POT1: variants seen among roughly 807,000 people sequenced by gnomAD.
POT1 encodes protection of telomeres protein 1.
POT1 carries 47 observed loss-of-function variants against 78.5 expected under a neutral mutation model. That is an observed-to-expected ratio of 0.60 (90% CI 0.47 to 0.76). The LOEUF (loss-of-function observed/expected upper bound fraction) is 0.76. Ranked by LOEUF, POT1 falls within the 30% of genes least tolerant of loss-of-function variation. POT1 has a pLI of 0.00. For synonymous variants in POT1, 259 were observed against 260.7 expected, an observed-to-expected ratio of 0.99 and a Z score of 0.06; for missense variants, 646 against 749.9, an observed-to-expected ratio of 0.86 and a Z score of 1.62.
At chr7:124,893,980 G>C (rs950601817) in intron 5 of POT1, among the ~76,000 whole-genome samples, 5 of 151,486 alleles carry the variant, frequency 3.3e-5, no homozygotes, top group African/African-American at 1.2e-4. Context: ...AGAACCAAAA[G>C]ATAATTTTTT....
Position 124,832,805 on chromosome 7 carries a change from G to C in POT1, c.1505+2474C>G, listed in dbSNP as rs183186034. On this transcript the variant is annotated intron_variant, in intron 15 of 18. Transcript: ENST00000357628. ...CCACTGCACTCCTATCTGGGCAATA[G>C]AGCAAGACTTCATCTCAAAAAAAAA... Among the ~76,000 whole-genome samples the C allele has an allele frequency of 4.9e-3, 694 of 141,192 alleles. 1 individual carries two copies. The highest frequency in any genetic ancestry group is 7.8e-3 in the Non-Finnish European group (513 of 65,954). The allele number at this position is 141,192 out of a possible 152,430, so 92.6% of individuals were successfully genotyped here.
Position 124,851,997 on chromosome 7 carries a change from A to T in POT1, c.870-46T>A, listed in dbSNP as rs200393544. On this transcript the variant is annotated intron_variant, in intron 10 of 18. Coordinates refer to ENST00000357628, the MANE Select transcript of POT1 (RefSeq NM_015450.3). ...TTTCAAATTGCATAAAACAAAGTCA[A>T]TATAGTAAATTTAGCTCTACCCACA... 6.7e-6 allele frequency: 9 copies of T among 1,333,870 alleles called. No homozygotes were observed. In the East Asian group the frequency reaches 2.1e-4, roughly 31 times the overall value. The allele number at this position is 1,333,870 out of a possible 1,614,324, so 82.6% of individuals were successfully genotyped here. A position where few individuals can be genotyped will look rare whatever the true frequency, so the allele number is the denominator to read the frequency against.
intron 12 of POT1, among the ~76,000 whole-genome samples, chr7:124,846,119 C>T (rs1334651102): frequency 6.6e-6 from 1 of 150,546 alleles, no homozygotes; most frequent in East Asian, 2.0e-4. Flanking sequence ...TATGCTTTTT[C>T]ATGGAGAGAG....
chr7:124,829,056 G>A, intron 16 of POT1, 198 bp downstream of exon 16: 2 of 754,986 alleles, frequency 2.6e-6, no homozygotes, highest in Non-Finnish European at 4.9e-6. Flanking sequence ...GTATGTGACG[G>A]TGCCTGCTTG....
intron 15 of POT1, among the ~76,000 whole-genome samples, chr7:124,831,999 TAAAAAAA>T (rs752861454): frequency 2.6e-5 from 2 of 75,654 alleles, no homozygotes; most frequent in African/African-American, 8.4e-5. Flanking sequence ...TTCTTAAAAA[TAAAAAAA>T]AAAAAAAAAA....
At position 124,925,795 on chromosome 7, in the gene POT1, TA is replaced by T. The variant is rs200801630; in HGVS notation, c.-227+3019del. ...TGGAACAAAATAGAGAAACCAGAAA[TA>T]AAGTCAAATACTTACAGCCAACTGA... On this transcript the variant is annotated intron_variant, in intron 2 of 18. Coordinates refer to ENST00000357628, the MANE Select transcript of POT1 (RefSeq NM_015450.3). 5.0e-3 allele frequency among the ~76,000 whole-genome samples: 764 copies of T among 151,964 alleles called. 9 individuals carry two copies. The highest frequency in any genetic ancestry group is 0.017 in the African/African-American group (701 of 41,448).
intron 7 of POT1, among the ~76,000 whole-genome samples, chr7:124,869,145 G>A (rs1795803282): frequency 6.6e-6 from 1 of 152,038 alleles, no homozygotes; most frequent in South Asian, 2.1e-4. Context: ...AGCCATGCAT[G>A]GTCTGTTAGT....
At chr7:124,923,918 C>T (rs1428991205) in intron 2 of POT1, among the ~76,000 whole-genome samples, 1 of 151,210 alleles carries the variant, frequency 6.6e-6, no homozygotes, top group East Asian at 1.9e-4. Context: ...AACAAAAAAA[C>T]TGTAAGCCAA....
chr7:124,921,300 T>C (rs1207364553), intron 2 of POT1, among the ~76,000 whole-genome samples: 1 of 152,084 alleles, frequency 6.6e-6, no homozygotes, highest in Admixed American at 6.6e-5. Context: ...AATCAAATCA[T>C]AGCACTTTAT....
At chr7:124,924,183 T>C (rs1372372167) in intron 2 of POT1, among the ~76,000 whole-genome samples, 1 of 125,236 alleles carries the variant, frequency 8.0e-6, no homozygotes, top group Admixed American at 7.6e-5. Context: ...AAAGGATCAA[T>C]GAAAAAAAAG....
intron 6 of POT1, among the ~76,000 whole-genome samples, chr7:124,874,042 C>T (rs1250999473): frequency 6.6e-6 from 1 of 152,186 alleles, no homozygotes; most frequent in Non-Finnish European, 1.5e-5. Context: ...CATCCTTATT[C>T]TCCGCTTCCC....
chr7:124,858,341 C>T (rs181703418), intron 9 of POT1, among the ~76,000 whole-genome samples: 60 of 152,214 alleles, frequency 3.9e-4, no homozygotes, highest in Non-Finnish European at 7.4e-4. Context: ...ACAAAAAGTA[C>T]TTTCAAATAA....
intron 17 of POT1, among the ~76,000 whole-genome samples, chr7:124,826,521 T>C (rs947204520): frequency 6.6e-6 from 1 of 152,134 alleles, no homozygotes; most frequent in African/African-American, 2.4e-5. Context: ...TACAATAATA[T>C]CTATCTTCCC....
At chr7:124,891,121 ACCT>A (rs1283185743) in intron 6 of POT1, among the ~76,000 whole-genome samples, 1 of 150,852 alleles carries the variant, frequency 6.6e-6, no homozygotes, top group African/African-American at 2.4e-5. Flanking sequence ...GTGAAATGAA[ACCT>A]CCTACTATAA....
At chr7:124,870,089 G>C (rs1167241562) in intron 7 of POT1, among the ~76,000 whole-genome samples, 1 of 151,884 alleles carries the variant, frequency 6.6e-6, no homozygotes, top group Non-Finnish European at 1.5e-5. Context: ...TGATGAAGAG[G>C]TTACATGGAA....
chr7:124,838,682 C>T (rs1223749052), intron 14 of POT1, among the ~76,000 whole-genome samples: 3 of 151,886 alleles, frequency 2.0e-5, no homozygotes, highest in African/African-American at 2.4e-5. Flanking sequence ...CTCGGCTCAC[C>T]GCAACCTCCG....
chr7:124,913,109 C>A (rs982766182), intron 3 of POT1, among the ~76,000 whole-genome samples: 8 of 152,094 alleles, frequency 5.3e-5, no homozygotes, highest in Non-Finnish European at 1.2e-4. Context: ...CGTGAAACTC[C>A]TTCACTATCA....
chr7:124,827,386 G>A (rs1794657340), intron 16 of POT1, 81 bp from the exon 17 acceptor site: 2 of 646,244 alleles, frequency 3.1e-6, no homozygotes, highest in South Asian at 4.0e-5. Context: ...TTTTATGATA[G>A]TATAGACCTG....
intron 2 of POT1, among the ~76,000 whole-genome samples, chr7:124,927,256 A>T (rs181826326): frequency 6.6e-6 from 1 of 152,320 alleles, no homozygotes; most frequent in Admixed American, 6.5e-5. Flanking sequence ...TTTCTTGGTT[A>T]TTAGAATGAA....
Sources: gnomAD v4.1 joint callset for allele counts (sites outside exome capture counted in the v4.1 genomes callset) on GRCh38, gnomAD v4.1.1 for gene constraint, MANE v1.5 for transcripts, NCBI Gene and HGNC (gene_info 2026-07-23, HGNC 2026-07-21) for gene names.